TSHZ2: variants seen among roughly 807,000 people sequenced by gnomAD.
The protein encoded by TSHZ2 is teashirt zinc finger homeobox 2.
In TSHZ2, 21 loss-of-function variants were observed where a neutral mutation model predicts 74.4. That is an observed-to-expected ratio of 0.28 (90% CI 0.20 to 0.41). TSHZ2 has a LOEUF of 0.41. TSHZ2 is among the 10% of genes least tolerant of loss of function. The probability of loss-of-function intolerance (pLI) is 1.00; values close to 1 mark genes in which losing one functional copy is unlikely to be tolerated. For synonymous variants in TSHZ2, 540 were observed against 515.3 expected (o/e 1.05, Z -0.65); for missense variants, 1,244 against 1,293.5 (o/e 0.96, Z 0.59).
In TSHZ2 at chr20:53,201,747, T is replaced by C. The variant is rs557188322; in HGVS notation, c.41-51752T>C. On this transcript the variant is annotated intron_variant, in intron 1 of 2. Transcript: ENST00000371497. The stretch of plus-strand genomic sequence containing the variant: ...CATTTTGATCCACACCCTTTTTTGC[T>C]GGTGGGGTGGTGGGATGGGGAGCTG... Among the ~76,000 whole-genome samples, 8 of 152,286 alleles carry C rather than the reference T, an allele frequency of 5.3e-5. No individual in the cohort carries two copies. The East Asian group carries it at 1.5e-3, about 29-fold the overall frequency.
intron 1 of TSHZ2, among the ~76,000 whole-genome samples, chr20:53,111,812 C>G (rs569292222): frequency 9.2e-5 from 14 of 152,272 alleles, no homozygotes; most frequent in African/African-American, 3.1e-4. Flanking sequence ...CTCAGGCCCC[C>G]ACCTTAACTC....
Position 53,493,107 on chromosome 20 carries a change from A to G in TSHZ2, c.*5972A>G, listed in dbSNP as rs1026324777. ...CCTTCCGTGCATTTTTATAGTGTAC[A>G]TATTTGTATATACTAACTATATCGC... On this transcript the variant is annotated 3_prime_UTR_variant, in exon 3 of 3. Transcript: ENST00000371497. The G allele has an allele frequency of 6.6e-6, 1 of 152,216 alleles. No homozygotes were observed. Among genetic ancestry groups the G allele is most frequent in the East Asian group, 1.9e-4 (1 of 5,196 alleles). The allele number at this position is 152,216 out of a possible 1,614,324, so 9.4% of individuals were successfully genotyped here. A position where few individuals can be genotyped will look rare whatever the true frequency, so the allele number is the denominator to read the frequency against.
At chr20:53,054,011 T>C (rs1375053261) in intron 1 of TSHZ2, among the ~76,000 whole-genome samples, 1 of 152,192 alleles carries the variant, frequency 6.6e-6, no homozygotes, top group African/African-American at 2.4e-5. Flanking sequence ...GAGTGCCAGA[T>C]TAAAAGATCC....
intron 1 of TSHZ2, among the ~76,000 whole-genome samples, chr20:53,050,103 G>GTATGTGTATATATATATATATATA (rs1422702818): frequency 1.7e-5 from 2 of 116,066 alleles, no homozygotes; most frequent in African/African-American, 7.8e-5. Flanking sequence ...GTATATGTGT[G>GTATGTGTATATATATATATATATA]TATATATATA....
chr20:53,338,686 C>T (rs79682234), intron 2 of TSHZ2, among the ~76,000 whole-genome samples: 1,735 of 152,240 alleles, frequency 0.011, 35 homozygotes, highest in African/African-American at 0.035. Context: ...GAAAGGAGCA[C>T]CCAGCTCCAA....
chr20:53,401,783 T>C (rs1230961321), intron 2 of TSHZ2, among the ~76,000 whole-genome samples: 1 of 144,770 alleles, frequency 6.9e-6, no homozygotes. Context: ...TCTTTTTTTT[T>C]TTTTTTTTTT....
At chr20:53,024,819 C>T (rs370472113) in intron 1 of TSHZ2, among the ~76,000 whole-genome samples, 10 of 152,258 alleles carry the variant, frequency 6.6e-5, no homozygotes, top group Middle Eastern at 3.4e-3. Flanking sequence ...CTGCAAAGGA[C>T]GTGGACTCAT....
Position 53,471,181 on chromosome 20 carries a change from A to T in TSHZ2, c.*9-15963A>T, listed in dbSNP as rs189608279. 3.3e-5 allele frequency among the ~76,000 whole-genome samples: 5 copies of T among 152,286 alleles called. No homozygotes were observed. In the East Asian group the frequency reaches 9.6e-4, roughly 29 times the overall value. On this transcript the variant is annotated intron_variant, in intron 2 of 2. Coordinates refer to ENST00000371497, the MANE Select transcript of TSHZ2 (RefSeq NM_173485.6). ...TTCCATGCTCTAAGTTGTTTCTTTC[A>T]TAGAATTAGAGAAATAGGATTCTAG...
intron 1 of TSHZ2, among the ~76,000 whole-genome samples, chr20:53,050,535 G>A (rs566458723): frequency 2.6e-5 from 4 of 152,294 alleles, no homozygotes; most frequent in Admixed American, 1.3e-4. Context: ...TTGCCCGCAC[G>A]GGGCTGTGAG....
intron 2 of TSHZ2, among the ~76,000 whole-genome samples, chr20:53,278,555 A>G (rs532765021): frequency 6.6e-6 from 1 of 152,178 alleles, no homozygotes; most frequent in Non-Finnish European, 1.5e-5. Context: ...TAGTTTTCCC[A>G]GTACAGAACT....
chr20:53,205,857 A>G (rs930585958), intron 1 of TSHZ2, among the ~76,000 whole-genome samples: 3 of 152,210 alleles, frequency 2.0e-5, no homozygotes, highest in Non-Finnish European at 4.4e-5. Flanking sequence ...TCGTGATGCT[A>G]TAACTTATGA....
At chr20:53,043,437 A>C (rs1196807838) in intron 1 of TSHZ2, among the ~76,000 whole-genome samples, 1 of 152,142 alleles carries the variant, frequency 6.6e-6, no homozygotes, top group Non-Finnish European at 1.5e-5. Flanking sequence ...CAGCCCTCAC[A>C]ATGTAGGATC....
intron 1 of TSHZ2, among the ~76,000 whole-genome samples, chr20:53,079,631 A>T (rs145464221): frequency 6.6e-6 from 1 of 152,216 alleles, no homozygotes; most frequent in African/African-American, 2.4e-5. Context: ...TTATGTGCCA[A>T]TATGCCTAAC....
rs1001762274 is a variant in TSHZ2, at chr20:53,256,821, C to CT, written c.*8+257dup. 1.3e-5 allele frequency among the ~76,000 whole-genome samples: 2 copies of CT among 152,172 alleles called. No individual in the cohort carries two copies. The highest frequency in any genetic ancestry group is 4.8e-5 in the African/African-American group (2 of 41,422). On this transcript the variant is annotated intron_variant, in intron 2 of 2. Coordinates refer to ENST00000371497, the MANE Select transcript of TSHZ2 (RefSeq NM_173485.6). This position sits in a 1 kb window ranked among gnomAD's most constrained non-coding sequence, Gnocchi z 4.3. ...AGATAAAGTTCACAGATTACTACTG[C>CT]TTTTTTTAGGCCTTCATCATCCATA...
intron 2 of TSHZ2, among the ~76,000 whole-genome samples, chr20:53,311,809 T>C (rs1232141461): frequency 1.3e-5 from 2 of 152,326 alleles, no homozygotes; most frequent in East Asian, 1.9e-4. Context: ...TAGTCAGGCA[T>C]GGTGGCTCAC....
At chr20:52,977,610 AT>A (rs1981395785) in intron 1 of TSHZ2, among the ~76,000 whole-genome samples, 1 of 152,072 alleles carries the variant, frequency 6.6e-6, no homozygotes, top group Non-Finnish European at 1.5e-5. Flanking sequence ...ACGGAAATTG[AT>A]TGCTTAAGTG....
intron 2 of TSHZ2, among the ~76,000 whole-genome samples, chr20:53,469,660 G>C (rs1376809252): frequency 3.5e-4 from 20 of 57,610 alleles, no homozygotes; most frequent in South Asian, 5.7e-4. Flanking sequence ...AAGGAAGGAA[G>C]GAAGGAAGGA....
At chr20:53,110,380 C>G (rs925408000) in intron 1 of TSHZ2, among the ~76,000 whole-genome samples, 1 of 152,082 alleles carries the variant, frequency 6.6e-6, no homozygotes, top group African/African-American at 2.4e-5. Flanking sequence ...TCTTGCTGCT[C>G]ACACTTGCTG....
At chr20:53,134,345 C>T (rs1568775693) in intron 1 of TSHZ2, among the ~76,000 whole-genome samples, 2 of 152,148 alleles carry the variant, frequency 1.3e-5, no homozygotes, top group Admixed American at 1.3e-4. Context: ...TGTTAGCAAA[C>T]TGTGTTGAGA....
Sources: allele counts gnomAD v4.1 joint callset (sites outside exome capture counted in the v4.1 genomes callset), GRCh38; gene constraint gnomAD v4.1.1; non-coding constraint Gnocchi (gnomAD v3.1); transcripts MANE v1.5; gene names NCBI Gene and HGNC (gene_info 2026-07-23, HGNC 2026-07-21).